The following CEACAM5 variants were observed in gnomAD, a reference collection of about 807,000 sequenced individuals.
CEACAM5 encodes the protein cell adhesion molecule CEACAM5.
In CEACAM5, 52 loss-of-function variants were observed where a neutral mutation model predicts 63.0. The ratio of observed to expected loss-of-function variants is 0.83; its 90% CI spans 0.66 to 1.04. CEACAM5 has a LOEUF of 1.04. Ranked by LOEUF, CEACAM5 falls within the 50% of genes least tolerant of loss-of-function variation. The pLI is 0.00. For missense variants in CEACAM5, 790 were observed against 864.8 expected (o/e 0.91, Z 1.08); for synonymous variants, 357 against 351.3 (o/e 1.02, Z -0.18).
rs782474709 is a variant in CEACAM5, at chr19:41,718,143, C to A, written c.1253C>A (p.Pro418His). Residue 418 changes from proline to histidine, a missense_variant, in exon 6 of 10, where the codon CCC (proline) becomes CAC (histidine). Transcript: ENST00000221992. ...TTTGCTCCAGATGGCCCAGACGACC[C>A]CACCATTTCCCCCTCATACACCTAT... ...ILNVLYGPDDPTISPSYTYYR... is the reference protein window; with the variant it reads ...ILNVLYGPDDHTISPSYTYYR... The A allele has an allele frequency of 2.5e-6, 4 of 1,614,070 alleles. No individual in the cohort carries two copies. In the African/African-American group the frequency reaches 5.3e-5, roughly 22 times the overall value.
chr19:41,718,095 C>T (rs782115462), intron 5 of CEACAM5, 33 bp from the exon 6 acceptor site: 3 of 1,611,198 alleles, frequency 1.9e-6, no homozygotes, highest in Non-Finnish European at 2.5e-6. Context: ...GCTCTGATGA[C>T]ATTCACCTGT....
intron 4 of CEACAM5, among the ~76,000 whole-genome samples, chr19:41,716,281 C>A (rs1418483472): frequency 2.6e-5 from 4 of 152,224 alleles, no homozygotes; most frequent in Non-Finnish European, 5.9e-5. Flanking sequence ...GAGCTACAAG[C>A]AACATTCAAG....
In CEACAM5 at chr19:41,718,180, G is replaced by A. The variant is rs1555815395; in HGVS notation, c.1290G>A (p.Gly430=). The A allele has an allele frequency of 1.2e-6, 2 of 1,614,150 alleles. No homozygotes were observed. Among genetic ancestry groups the A allele is most frequent in the Admixed American group, 1.7e-5 (1 of 60,016 alleles). ...ISPSYTYYRP[G]VNLSLSCHAA... is the part of the protein sequence containing the mutation. ...CCTCATACACCTATTACCGTCCAGG[G>A]GTGAACCTCAGCCTCTCCTGCCATG... Residue 430 remains glycine, a synonymous_variant, in exon 6 of 10, where the codon GGG becomes GGA. Coordinates refer to ENST00000221992, the MANE Select transcript of CEACAM5 (RefSeq NM_004363.6).
intron 2 of CEACAM5, among the ~76,000 whole-genome samples, chr19:41,711,264 C>G (rs1555814013): frequency 6.6e-6 from 1 of 152,180 alleles, no homozygotes; most frequent in South Asian, 2.1e-4. Context: ...AGATCCACAG[C>G]CCCCTCACAT....
chr19:41,711,083 ATCTGAGACCAG>A (rs1407537949), intron 2 of CEACAM5, among the ~76,000 whole-genome samples: 2 of 152,112 alleles, frequency 1.3e-5, no homozygotes, highest in Non-Finnish European at 2.9e-5. Context: ...AGGCATCTGC[ATCTGAGACCAG>A]TCATGGGCTT....
At position 41,709,894 on chromosome 19, in the gene CEACAM5, C is replaced by T. The variant is rs1168869730; in HGVS notation, c.279C>T (p.Pro93=). The change falls in exon 2 of 10, where the codon CCC becomes CCT. Residue 93 remains proline, a synonymous_variant. Transcript: ENST00000221992. ...GAACTCAACAAGCTACCCCAGGGCCCGCATACAGTGGTCGAGAGATAATAT... is the reference window on the plus strand; with the variant it reads ...GAACTCAACAAGCTACCCCAGGGCCTGCATACAGTGGTCGAGAGATAATAT... ...VIGTQQATPG[P]AYSGREIIYP... 8.1e-6 allele frequency: 13 copies of T among 1,613,962 alleles called. No homozygotes were observed. Among genetic ancestry groups the T allele is most frequent in the South Asian group, 2.2e-5 (2 of 91,084 alleles).
At chr19:41,712,471 C>G (rs1399752388) in intron 2 of CEACAM5, among the ~76,000 whole-genome samples, 1 of 152,234 alleles carries the variant, frequency 6.6e-6, no homozygotes, top group African/African-American at 2.4e-5. Context: ...GGCTTCTCCT[C>G]TTTTTGCCTA....
chr19:41,710,070 TG>T, intron 2 of CEACAM5, 31 bp downstream of exon 2: 2 of 1,578,412 alleles, frequency 1.3e-6, no homozygotes, highest in East Asian at 2.2e-5. Flanking sequence ...CTCTGGGTGT[TG>T]GGGGTCAGTT....
intron 5 of CEACAM5, 49 bp from the exon 6 acceptor site, chr19:41,718,079 C>T (rs1555815361): frequency 1.2e-6 from 2 of 1,601,486 alleles, no homozygotes; most frequent in Non-Finnish European, 8.5e-7. Flanking sequence ...CAGGAGCTTC[C>T]CCTTTGCTCT....
At chr19:41,717,060 A>G (rs899444341) in intron 4 of CEACAM5, among the ~76,000 whole-genome samples, 7 of 152,148 alleles carry the variant, frequency 4.6e-5, no homozygotes, top group African/African-American at 1.2e-4. Context: ...AGCAAACACA[A>G]CTTGGCTGGG....
chr19:41,725,882 T>C (rs1327656053), intron 8 of CEACAM5, among the ~76,000 whole-genome samples: 1 of 152,188 alleles, frequency 6.6e-6, no homozygotes, highest in African/African-American at 2.4e-5. Flanking sequence ...GTGGTTCTTT[T>C]TCTGTATCCT....
chr19:41,727,168 G>A (rs1344960296), intron 8 of CEACAM5, 66 bp from the exon 9 acceptor site: 6 of 1,179,996 alleles, frequency 5.1e-6, no homozygotes, highest in Admixed American at 1.7e-5. Flanking sequence ...TGGAACCTGG[G>A]GCACCCCACT....
chr19:41,726,590 G>A (rs1037114889), intron 8 of CEACAM5, among the ~76,000 whole-genome samples: 1 of 152,188 alleles, frequency 6.6e-6, no homozygotes, highest in Non-Finnish European at 1.5e-5. Flanking sequence ...AGGAAAAGTG[G>A]AGTAGAAGTG....
chr19:41,714,473 C>T (rs1452544555), intron 2 of CEACAM5, among the ~76,000 whole-genome samples: 2 of 152,190 alleles, frequency 1.3e-5, no homozygotes, highest in African/African-American at 2.4e-5. Flanking sequence ...AGTCCCAGGC[C>T]AGGCTGCACA....
chr19:41,720,635 T>C (rs562643720), intron 7 of CEACAM5, among the ~76,000 whole-genome samples: 1 of 151,314 alleles, frequency 6.6e-6, no homozygotes, highest in Admixed American at 6.6e-5. Flanking sequence ...GCCTCCCGAG[T>C]AACTGGGATT....
In CEACAM5 at chr19:41,730,382, G is replaced by T. The variant is rs950919606; in HGVS notation, c.*1235G>T. Among the ~76,000 whole-genome samples, 6 of 149,902 alleles carry T rather than the reference G, an allele frequency of 4.0e-5. No individual in the cohort carries two copies. Among genetic ancestry groups the T allele is most frequent in the African/African-American group, 1.5e-4 (6 of 40,434 alleles). ...GCTTGCAGTGAGCCAAGATCATGCCGCTGCACTCCAGCCTGGGAGACAAAG... is the reference window on the plus strand; with the variant it reads ...GCTTGCAGTGAGCCAAGATCATGCCTCTGCACTCCAGCCTGGGAGACAAAG... On this transcript the variant is annotated 3_prime_UTR_variant, in exon 10 of 10. Transcript: ENST00000221992.
intron 2 of CEACAM5, 51 bp from the exon 3 acceptor site, chr19:41,714,920 G>A (rs760352700): frequency 1.5e-5 from 24 of 1,611,104 alleles, no homozygotes; most frequent in Admixed American, 8.3e-5. Context: ...AGATGCCTGT[G>A]AGGAATCAAA....
intron 8 of CEACAM5, among the ~76,000 whole-genome samples, chr19:41,722,969 G>A (rs1026395273): frequency 3.3e-5 from 5 of 152,074 alleles, no homozygotes; most frequent in African/African-American, 9.7e-5. Context: ...GTGCACTGGC[G>A]CGATCTCGGC....
Position 41,717,843 on chromosome 19 carries a change from G to A in CEACAM5, c.1237+110G>A, listed in dbSNP as rs917458947. 44 of 1,383,334 alleles carry A rather than the reference G, an allele frequency of 3.2e-5. No individual in the cohort carries two copies. The Middle Eastern group carries it at 7.8e-4, about 25-fold the overall frequency. The allele number at this position is 1,383,334 out of a possible 1,614,324, so 85.7% of individuals were successfully genotyped here. A position where few individuals can be genotyped will look rare whatever the true frequency, so the allele number is the denominator to read the frequency against. ...CCCAAGGACAGAGACTTTTACCCCT[G>A]GACATCCAGGCTGGCCCTACCCCCA... On this transcript the variant is annotated intron_variant, in intron 5 of 9. Transcript: ENST00000221992.
Sources: gnomAD v4.1 joint callset for allele counts (sites outside exome capture counted in the v4.1 genomes callset) on GRCh38, gnomAD v4.1.1 for gene constraint, MANE v1.5 for transcripts, NCBI Gene and HGNC (gene_info 2026-07-23, HGNC 2026-07-21) for gene names.